CTIF: variants seen among roughly 807,000 people sequenced by gnomAD.
The protein encoded by CTIF is CBP80/20-dependent translation initiation factor.
Under a neutral mutation model 66.0 loss-of-function variants are expected in CTIF, and 21 were observed. The observed-to-expected ratio is 0.32, with a 90% CI of 0.23 to 0.46. CTIF has a LOEUF of 0.46. Among genes scored for constraint, CTIF ranks in the 20% least tolerant of loss-of-function variants. The pLI, the probability that CTIF is intolerant of heterozygous loss-of-function variation, is 1.00. For missense variants in CTIF, 739 were observed against 812.7 expected, an observed-to-expected ratio of 0.91 and a Z score of 1.10; for synonymous variants, 345 against 326.4, an observed-to-expected ratio of 1.06 and a Z score of -0.62.
At chr18:48,712,549 C>T (rs553770896) in intron 7 of CTIF, among the ~76,000 whole-genome samples, 25 of 152,068 alleles carry the variant, frequency 1.6e-4, no homozygotes, top group Non-Finnish European at 2.9e-4. Context: ...AAAAAAAGAA[C>T]GAACAAAAAG....
chr18:48,732,442 G>C (rs1312950060), intron 7 of CTIF, among the ~76,000 whole-genome samples: 1 of 151,962 alleles, frequency 6.6e-6, no homozygotes, highest in East Asian at 1.9e-4. Context: ...TGATGACGGG[G>C]CTGACCAGCC....
chr18:48,578,599 C>CT, intron 1 of CTIF, among the ~76,000 whole-genome samples: 1 of 152,100 alleles, frequency 6.6e-6, no homozygotes, highest in Non-Finnish European at 1.5e-5. Context: ...TTTTCATGTG[C>CT]TTTTTAGTGT....
chr18:48,597,936 G>A (rs1456211018), intron 1 of CTIF, among the ~76,000 whole-genome samples: 1 of 152,212 alleles, frequency 6.6e-6, no homozygotes, highest in Non-Finnish European at 1.5e-5. Flanking sequence ...GAGACCCAGT[G>A]GCCAGTGCAG....
intron 1 of CTIF, among the ~76,000 whole-genome samples, chr18:48,613,607 G>T (rs2090347699): frequency 6.6e-6 from 1 of 152,224 alleles, no homozygotes; most frequent in African/African-American, 2.4e-5. Context: ...GTTGTGACAA[G>T]CACGGACTGT....
intron 3 of CTIF, among the ~76,000 whole-genome samples, chr18:48,651,954 C>A (rs976566974): frequency 6.6e-6 from 1 of 152,188 alleles, no homozygotes; most frequent in Non-Finnish European, 1.5e-5. Context: ...ATCCCTCGGA[C>A]ACATTTAAAG....
In CTIF at chr18:48,560,083, G is replaced by A. The variant is rs2089118374; in HGVS notation, c.-29+20771G>A. Among the ~76,000 whole-genome samples, 6 of 152,224 alleles carry A rather than the reference G, an allele frequency of 3.9e-5. No homozygotes were observed. The South Asian group carries it at 1.2e-3, about 32-fold the overall frequency. On this transcript the variant is annotated intron_variant, in intron 1 of 11. Coordinates refer to ENST00000256413, the MANE Select transcript of CTIF (RefSeq NM_014772.3). ...GAGACGGCTAATTTCTTAAGGGCTG[G>A]CATAGAAATGCCAGTTATCTAACAG...
chr18:48,675,272 G>T (rs1436709609), intron 6 of CTIF, among the ~76,000 whole-genome samples: 6 of 152,210 alleles, frequency 3.9e-5, no homozygotes, highest in Non-Finnish European at 7.4e-5. Context: ...GGAGTGGAGG[G>T]GTTGGCCAGG....
chr18:48,756,391 A>C (rs958915422), intron 7 of CTIF: 3 of 152,256 alleles, frequency 2.0e-5, no homozygotes, highest in Non-Finnish European at 2.9e-5. Context: ...GGATACCCTC[A>C]ATTTTTCACA....
intron 9 of CTIF, among the ~76,000 whole-genome samples, chr18:48,764,830 A>T (rs944763152): frequency 6.6e-6 from 1 of 152,188 alleles, no homozygotes; most frequent in African/African-American, 2.4e-5. Flanking sequence ...GTATAACCAG[A>T]GGCTTGATCT....
At chr18:48,742,115 A>G (rs1433887098) in intron 7 of CTIF, among the ~76,000 whole-genome samples, 1 of 152,138 alleles carries the variant, frequency 6.6e-6, no homozygotes, top group African/African-American at 2.4e-5. Context: ...GGAGACATTT[A>G]CTCTCAACAC....
At chr18:48,814,177 G>A (rs2068315510) in intron 9 of CTIF, among the ~76,000 whole-genome samples, 1 of 152,164 alleles carries the variant, frequency 6.6e-6, no homozygotes, top group Admixed American at 6.5e-5. Context: ...GTGCCTTCAT[G>A]GGTATTTTTA....
rs2089622305 is a variant in CTIF, at chr18:48,580,124, C to T, written c.-28-39414C>T. Among the ~76,000 whole-genome samples, 3 of 152,168 alleles carry T rather than the reference C, an allele frequency of 2.0e-5. No homozygotes were observed. In the South Asian group the frequency reaches 6.2e-4, roughly 32 times the overall value. On this transcript the variant is annotated intron_variant, in intron 1 of 11. Transcript: ENST00000256413. ...GTCTGCCGGCTGGGTCAGAGTTCTGCTACAGGTTTGTATGTTGTTAGAGGC... is the reference window on the plus strand; with the variant it reads ...GTCTGCCGGCTGGGTCAGAGTTCTGTTACAGGTTTGTATGTTGTTAGAGGC...
intron 1 of CTIF, among the ~76,000 whole-genome samples, chr18:48,598,441 A>G (rs1191134045): frequency 6.6e-6 from 1 of 152,218 alleles, no homozygotes; most frequent in Non-Finnish European, 1.5e-5. Context: ...GATGCTCAGG[A>G]GTGCATGAAG....
chr18:48,725,660 A>AT (rs1479503462), intron 7 of CTIF, among the ~76,000 whole-genome samples: 1 of 152,090 alleles, frequency 6.6e-6, no homozygotes. Flanking sequence ...TCTACCCTTA[A>AT]TGGTAACCCA....
intron 1 of CTIF, among the ~76,000 whole-genome samples, chr18:48,604,817 A>G (rs1392277046): frequency 5.3e-5 from 8 of 152,112 alleles, no homozygotes; most frequent in Non-Finnish European, 7.4e-5. Flanking sequence ...AGCAAACACC[A>G]TTCTACTTTT....
At chr18:48,753,583 C>T (rs1908045199) in intron 7 of CTIF, among the ~76,000 whole-genome samples, 1 of 151,064 alleles carries the variant, frequency 6.6e-6, no homozygotes, top group South Asian at 2.1e-4. Flanking sequence ...AAAGCATAAA[C>T]CGACAATTTC....
intron 1 of CTIF, among the ~76,000 whole-genome samples, chr18:48,584,577 C>T (rs1405057704): frequency 6.6e-6 from 1 of 152,164 alleles, no homozygotes; most frequent in Non-Finnish European, 1.5e-5. Flanking sequence ...ACAGATCTAA[C>T]CCACTTCTAG....
chr18:48,675,273 G>A (rs1373729122), intron 6 of CTIF, among the ~76,000 whole-genome samples: 2 of 152,352 alleles, frequency 1.3e-5, no homozygotes, highest in South Asian at 2.1e-4. Flanking sequence ...GAGTGGAGGG[G>A]TTGGCCAGGC....
chr18:48,847,663 A>G (rs975822798), intron 10 of CTIF, among the ~76,000 whole-genome samples: 2 of 152,258 alleles, frequency 1.3e-5, no homozygotes, highest in East Asian at 3.8e-4. Context: ...GTTTGAATCA[A>G]GCTTTGCACT....
Sources: gnomAD v4.1 joint callset for allele counts (sites outside exome capture counted in the v4.1 genomes callset) on GRCh38, gnomAD v4.1.1 for gene constraint, MANE v1.5 for transcripts, NCBI Gene and HGNC (gene_info 2026-07-23, HGNC 2026-07-21) for gene names.